The following PRELID2 variants were observed in gnomAD, a reference collection of about 807,000 sequenced individuals.
PRELID2 encodes the protein PRELI domain-containing protein 2.
PRELID2 carries 25 observed loss-of-function variants against 28.4 expected under a neutral mutation model. The ratio of observed to expected loss-of-function variants is 0.88; its 90% CI spans 0.64 to 1.23. The LOEUF (loss-of-function observed/expected upper bound fraction) is 1.23. Among genes scored for constraint, PRELID2 ranks in the 50% most tolerant of loss-of-function variants. PRELID2 has a pLI of 0.00. For missense variants in PRELID2, 201 were observed against 214.4 expected, an observed-to-expected ratio of 0.94 and a Z score of 0.39; for synonymous variants, 76 against 71.6, an observed-to-expected ratio of 1.06 and a Z score of -0.31.
At chr5:145,667,857 G>A (rs760305099) in intron 1 of PRELID2, among the ~76,000 whole-genome samples, 9 of 152,086 alleles carry the variant, frequency 5.9e-5, no homozygotes, top group Admixed American at 2.0e-4. Context: ...CTTGCTTAGC[G>A]TCTAACCTCA....
At chr5:145,588,433 G>A (rs895600854) in intron 1 of PRELID2, among the ~76,000 whole-genome samples, 1 of 151,970 alleles carries the variant, frequency 6.6e-6, no homozygotes, top group Non-Finnish European at 1.5e-5. Flanking sequence ...TAATCAATCT[G>A]ACTGCTTTTG....
At chr5:145,678,937 T>C (rs1288674562) in intron 1 of PRELID2, among the ~76,000 whole-genome samples, 1 of 152,200 alleles carries the variant, frequency 6.6e-6, no homozygotes, top group Non-Finnish European at 1.5e-5. Context: ...AAAATTCACA[T>C]TTCTTTATTG....
intron 1 of PRELID2, among the ~76,000 whole-genome samples, chr5:145,593,238 G>A (rs1228198972): frequency 1.3e-5 from 2 of 152,276 alleles, no homozygotes; most frequent in East Asian, 3.9e-4. Context: ...GGACTCAGTA[G>A]CAAAGGACAC....
At chr5:145,564,371 C>T (rs1053462007) in intron 1 of PRELID2, among the ~76,000 whole-genome samples, 13 of 152,182 alleles carry the variant, frequency 8.5e-5, no homozygotes, top group African/African-American at 2.7e-4. Context: ...CACTATGCTC[C>T]AGCCACTCTG....
intron 1 of PRELID2, among the ~76,000 whole-genome samples, chr5:145,632,792 G>T (rs1162714260): frequency 6.6e-6 from 1 of 152,126 alleles, no homozygotes; most frequent in Non-Finnish European, 1.5e-5. Flanking sequence ...TGGCAGAAGG[G>T]ATTTTTCAGA....
the PRELID2 span, among the ~76,000 whole-genome samples, chr5:145,341,053 A>C: frequency 1.3e-5 from 2 of 151,890 alleles, no homozygotes; most frequent in Admixed American, 6.6e-5. Flanking sequence ...CCCAAAATCA[A>C]AACCAAAGCA....
intron 1 of PRELID2, among the ~76,000 whole-genome samples, chr5:145,615,327 G>T (rs1337980768): frequency 0.025 from 1,700 of 68,900 alleles, 235 homozygotes; most frequent in African/African-American, 0.088. Context: ...TCTTTTTTTT[G>T]TTTTTTTTTT....
At chr5:145,271,478 A>G in the PRELID2 span, among the ~76,000 whole-genome samples, 1 of 152,134 alleles carries the variant, frequency 6.6e-6, no homozygotes, top group African/African-American at 2.4e-5. Flanking sequence ...AGCCTCCCAA[A>G]GTACTGGGAT....
the PRELID2 span, among the ~76,000 whole-genome samples, chr5:145,372,984 T>A: frequency 1.7e-5 from 2 of 115,636 alleles, no homozygotes; most frequent in African/African-American, 3.5e-5. Context: ...ATATATATGA[T>A]ATTATATATT....
At chr5:145,802,091 A>T (rs892033893) in intron 4 of PRELID2, among the ~76,000 whole-genome samples, 1 of 152,170 alleles carries the variant, frequency 6.6e-6, no homozygotes, top group Non-Finnish European at 1.5e-5. Context: ...GCTCAGTCTT[A>T]TGTGTATAAG....
At chr5:145,331,788 A>G in the PRELID2 span, among the ~76,000 whole-genome samples, 1 of 152,110 alleles carries the variant, frequency 6.6e-6, no homozygotes, top group African/African-American at 2.4e-5. Flanking sequence ...TAATATTGTT[A>G]TGTGTAAATT....
chr5:145,661,667 A>T (rs7715426), intron 1 of PRELID2, among the ~76,000 whole-genome samples: 8,182 of 90,400 alleles, frequency 0.091, 467 homozygotes, highest in African/African-American at 0.36. Flanking sequence ...ACAAGCCATT[A>T]AAAAAAAAAA....
intron 1 of PRELID2, among the ~76,000 whole-genome samples, chr5:145,555,735 GGA>G (rs1333149968): frequency 6.6e-6 from 1 of 152,126 alleles, no homozygotes; most frequent in African/African-American, 2.4e-5. Flanking sequence ...GGAGCCAGCA[GGA>G]GTATCAAATC....
At chr5:145,720,763 T>G (rs1212717194) in intron 1 of PRELID2, among the ~76,000 whole-genome samples, 2 of 151,294 alleles carry the variant, frequency 1.3e-5, no homozygotes. Context: ...TGTCAAATGC[T>G]CCCATAAAAT....
In PRELID2 at chr5:145,498,099, T is replaced by C. The variant is rs565841122; in HGVS notation, n.71-24784A>G. 2.2e-4 allele frequency among the ~76,000 whole-genome samples: 33 copies of C among 152,302 alleles called. No individual in the cohort carries two copies. The South Asian group carries it at 6.2e-3, about 29-fold the overall frequency. Reference sequence around the variant, plus strand: ...TAATCAGCTCTTCATAATCCAGCCATGCATTCTCTAGAGAGAGAAACTTTC... The same window carrying C: ...TAATCAGCTCTTCATAATCCAGCCACGCATTCTCTAGAGAGAGAAACTTTC... On this transcript the variant is annotated intron_variant and non_coding_transcript_variant, in intron 1 of 2. Transcript: ENST00000510259.
chr5:145,338,527 G>A, the PRELID2 span: 1 of 152,156 alleles, frequency 6.6e-6, no homozygotes, highest in South Asian at 2.1e-4. Flanking sequence ...TTACCTGTTA[G>A]GAAGTTAATA....
intron 1 of PRELID2, among the ~76,000 whole-genome samples, chr5:145,668,375 A>C (rs1245209417): frequency 1.3e-5 from 2 of 152,018 alleles, no homozygotes; most frequent in Non-Finnish European, 2.9e-5. Context: ...TAAAAAAAAA[A>C]AAAAGATATC....
the PRELID2 span, among the ~76,000 whole-genome samples, chr5:145,376,980 G>A: frequency 6.6e-6 from 1 of 151,886 alleles, no homozygotes; most frequent in Non-Finnish European, 1.5e-5. Context: ...TGTGATATTA[G>A]GTTGTTAATG....
At chr5:145,587,175 T>C (rs80154291) in intron 1 of PRELID2, among the ~76,000 whole-genome samples, 1 of 152,274 alleles carries the variant, frequency 6.6e-6, no homozygotes, top group Non-Finnish European at 1.5e-5. Flanking sequence ...TCAAGCCTTA[T>C]CACCATTCAT....
Sources: allele counts gnomAD v4.1 joint callset (sites outside exome capture counted in the v4.1 genomes callset), GRCh38; gene constraint gnomAD v4.1.1; transcripts MANE v1.5; gene names NCBI Gene and HGNC (gene_info 2026-07-23, HGNC 2026-07-21).